The following MYO16 variants were observed in gnomAD, a reference collection of about 807,000 sequenced individuals.
The protein encoded by MYO16 is unconventional myosin-XVI.
A neutral mutation model predicts 205.3 loss-of-function variants in MYO16; 94 were observed. That is an observed-to-expected ratio of 0.46 (90% CI 0.39 to 0.54). MYO16 has a LOEUF of 0.54. Among genes scored for constraint, MYO16 ranks in the 20% least tolerant of loss-of-function variants. MYO16 has a pLI of 0.00. For synonymous variants in MYO16, 988 were observed against 954.0 expected, an observed-to-expected ratio of 1.04 and a Z score of -0.66; for missense variants, 2,315 against 2,387.5, an observed-to-expected ratio of 0.97 and a Z score of 0.63.
intron 7 of MYO16, among the ~76,000 whole-genome samples, chr13:108,815,753 G>A (rs565941021): frequency 6.6e-6 from 1 of 152,226 alleles, no homozygotes; most frequent in African/African-American, 2.4e-5. Context: ...CCAACCTAAA[G>A]CCTGGCAGTA....
chr13:108,998,134 G>A (rs1243507393), intron 21 of MYO16, among the ~76,000 whole-genome samples: 1 of 152,196 alleles, frequency 6.6e-6, no homozygotes, highest in Admixed American at 6.5e-5. Context: ...TGATGCTAGA[G>A]ATGATAGAAA....
rs1878831509 is a variant in MYO16, at chr13:108,603,260, T to G, written c.-39+7021T>G. 4.6e-5 allele frequency among the ~76,000 whole-genome samples: 7 copies of G among 152,150 alleles called. No homozygotes were observed. In the South Asian group the frequency reaches 1.4e-3, roughly 32 times the overall value. ...TAGGAAAATCCTGGACATGTTTACATCATCTTACAATGTTTTGATCAATCT... is the reference window on the plus strand; with the variant it reads ...TAGGAAAATCCTGGACATGTTTACAGCATCTTACAATGTTTTGATCAATCT... On this transcript the variant is annotated intron_variant, in intron 1 of 24. Coordinates refer to the MYO16 transcript ENST00000251041.
chr13:109,202,614 A>G (rs575234672), intron 34 of MYO16, among the ~76,000 whole-genome samples: 3 of 152,318 alleles, frequency 2.0e-5, no homozygotes, highest in East Asian at 1.9e-4. Context: ...CAACATTGTG[A>G]AAATGACCAT....
the MYO16 span, among the ~76,000 whole-genome samples, chr13:108,548,329 G>A: frequency 1.3e-5 from 2 of 151,624 alleles, no homozygotes; most frequent in Non-Finnish European, 2.9e-5. Context: ...TTGTTGTGGT[G>A]GTGGTGATGA....
intron 27 of MYO16, among the ~76,000 whole-genome samples, chr13:109,093,301 C>A (rs1329861405): frequency 1.3e-5 from 2 of 152,108 alleles, no homozygotes; most frequent in Non-Finnish European, 1.5e-5. Flanking sequence ...AGGTTGGAAC[C>A]CCATGAGGGC....
chr13:108,883,330 C>A, intron 13 of MYO16, 144 bp downstream of exon 13: 1 of 1,064,326 alleles, frequency 9.4e-7, no homozygotes, highest in Non-Finnish European at 1.3e-6. Context: ...GTACATTTGA[C>A]TCGTTACAAA....
chr13:109,171,478 C>A (rs1878920175), intron 33 of MYO16, among the ~76,000 whole-genome samples: 1 of 152,150 alleles, frequency 6.6e-6, no homozygotes, highest in Admixed American at 6.5e-5. Context: ...CCTCTGCTTC[C>A]CAGAAATAAT....
chr13:108,861,992 G>T (rs1056843439), intron 11 of MYO16, among the ~76,000 whole-genome samples: 1 of 152,050 alleles, frequency 6.6e-6, no homozygotes. Flanking sequence ...AGAAAGCTTG[G>T]CATTAGTTAT....
Position 109,183,645 on chromosome 13 carries a change from T to C in MYO16, c.5415+4012T>C, listed in dbSNP as rs1879551928. On this transcript the variant is annotated intron_variant, in intron 34 of 34. Coordinates refer to ENST00000457511, the MANE Select transcript of MYO16 (RefSeq NM_001198950.3). Reference sequence around the variant, plus strand: ...GTAATATCATGTGCTTTATGTTCTTTTATTTTCATTATGGGCATTTATCAT... The same window carrying C: ...GTAATATCATGTGCTTTATGTTCTTCTATTTTCATTATGGGCATTTATCAT... Among the ~76,000 whole-genome samples the C allele has an allele frequency of 2.6e-5, 4 of 152,362 alleles. No homozygotes were observed. In the South Asian group the frequency reaches 8.3e-4, roughly 32 times the overall value.
At chr13:108,612,449 T>C (rs1879210466) in intron 1 of MYO16, among the ~76,000 whole-genome samples, 1 of 152,182 alleles carries the variant, frequency 6.6e-6, no homozygotes, top group Non-Finnish European at 1.5e-5. Context: ...AGCTACTGTC[T>C]GCACAGTCTT....
At chr13:108,788,146 C>T (rs909986601) in intron 5 of MYO16, among the ~76,000 whole-genome samples, 14 of 152,058 alleles carry the variant, frequency 9.2e-5, no homozygotes, top group Admixed American at 7.2e-4. Context: ...GTTTCGCATC[C>T]GAGTACTTAT....
intron 4 of MYO16, among the ~76,000 whole-genome samples, chr13:108,752,815 T>C (rs1361865342): frequency 2.8e-5 from 4 of 142,512 alleles, no homozygotes; most frequent in African/African-American, 7.7e-5. Context: ...CTAATTTTTT[T>C]TTTTTTTTTT....
At chr13:108,666,238 G>A in intron 2 of MYO16, 89 bp downstream of exon 2, 1 of 1,370,384 alleles carries the variant, frequency 7.3e-7, no homozygotes, top group African/African-American at 1.5e-5. Context: ...TGGAGAGATG[G>A]GGCAGAAAAG....
intron 11 of MYO16, 64 bp downstream of exon 11, chr13:108,855,617 C>T (rs1878128817): frequency 2.7e-5 from 30 of 1,116,004 alleles, no homozygotes; most frequent in Non-Finnish European, 3.8e-5. Context: ...TATCACCCTT[C>T]AGTGCTTCAA....
chr13:108,874,696 C>CATCATTATT (rs1555307948), intron 12 of MYO16, among the ~76,000 whole-genome samples: 4,504 of 106,638 alleles, frequency 0.042, 71 homozygotes, highest in Non-Finnish European at 0.053. Context: ...TCATCATCAT[C>CATCATTATT]ATTATTATTA....
At chr13:108,524,854 GGTTT>G in the MYO16 span, among the ~76,000 whole-genome samples, 2 of 152,064 alleles carry the variant, frequency 1.3e-5, no homozygotes, top group African/African-American at 4.8e-5. Flanking sequence ...TGGATATGCA[GGTTT>G]GTTTTGAAGG....
intron 16 of MYO16, among the ~76,000 whole-genome samples, chr13:108,955,762 A>G (rs1883324882): frequency 6.6e-6 from 1 of 152,164 alleles, no homozygotes; most frequent in Non-Finnish European, 1.5e-5. Flanking sequence ...GAGGCAGCGG[A>G]ATTGCTTGAA....
At chr13:109,172,876 G>C (rs480875) in intron 33 of MYO16, among the ~76,000 whole-genome samples, 152,075 of 152,350 alleles carry the variant, frequency 1, 75,901 homozygotes, top group East Asian at 1. Context: ...TGAAACCATG[G>C]AGGCTGTAAT....
chr13:108,854,994 G>A (rs1007826803), intron 10 of MYO16, among the ~76,000 whole-genome samples: 4 of 152,126 alleles, frequency 2.6e-5, no homozygotes, highest in Non-Finnish European at 4.4e-5. Context: ...TCTAAATTCC[G>A]TACACATTTC....
Sources: gnomAD v4.1 joint callset for allele counts (sites outside exome capture counted in the v4.1 genomes callset) on GRCh38, gnomAD v4.1.1 for gene constraint, MANE v1.5 for transcripts, NCBI Gene and HGNC (gene_info 2026-07-23, HGNC 2026-07-21) for gene names.